The following AK4 variants were observed in gnomAD, a reference collection of about 807,000 sequenced individuals.
AK4 encodes adenylate kinase 4, mitochondrial.
Under a neutral mutation model 24.6 loss-of-function variants are expected in AK4, and 13 were observed. That is an observed-to-expected ratio of 0.53 (90% CI 0.34 to 0.84). The LOEUF (loss-of-function observed/expected upper bound fraction) is 0.84. Ranked by LOEUF, AK4 falls within the 40% of genes least tolerant of loss-of-function variation. AK4 has a pLI of 0.01. For synonymous variants in AK4, 88 were observed against 107.0 expected (o/e 0.82, Z 1.10); for missense variants, 192 against 288.2 (o/e 0.67, Z 2.42).
chr1:65,189,470 G>T (rs1347481668), intron 1 of AK4, among the ~76,000 whole-genome samples: 2 of 150,780 alleles, frequency 1.3e-5, no homozygotes, highest in Admixed American at 6.6e-5. Flanking sequence ...TAGAGACAGG[G>T]TTTCTCCATG....
chr1:65,160,868 T>G (rs1374453666), intron 1 of AK4, among the ~76,000 whole-genome samples: 3 of 152,172 alleles, frequency 2.0e-5, no homozygotes, highest in Non-Finnish European at 4.4e-5. Flanking sequence ...ATGCTGGAAT[T>G]ACAGGTGTGA....
intron 2 of AK4, among the ~76,000 whole-genome samples, chr1:65,215,032 T>C (rs1652080803): frequency 6.6e-6 from 1 of 152,210 alleles, no homozygotes; most frequent in African/African-American, 2.4e-5. Flanking sequence ...AGTTTGGTGG[T>C]TCGTCATGAA....
chr1:65,154,045 C>T (rs10749750), intron 1 of AK4, among the ~76,000 whole-genome samples: 1 of 151,982 alleles, frequency 6.6e-6, no homozygotes, highest in African/African-American at 2.4e-5. Context: ...GAAGGGTTTT[C>T]CATAGGACAA....
At chr1:65,205,253 A>C (rs761792189) in intron 2 of AK4, among the ~76,000 whole-genome samples, 2 of 152,070 alleles carry the variant, frequency 1.3e-5, no homozygotes, top group Admixed American at 6.6e-5. Context: ...TTATTTGTTA[A>C]ATAGAGACAG....
intron 1 of AK4, among the ~76,000 whole-genome samples, chr1:65,178,746 G>A (rs374711475): frequency 1.2e-4 from 18 of 152,242 alleles, no homozygotes; most frequent in Admixed American, 7.2e-4. Flanking sequence ...CTTCTGTTCC[G>A]TCTTTCCTCC....
intron 1 of AK4, among the ~76,000 whole-genome samples, chr1:65,162,294 A>G (rs1243594813): frequency 2.0e-5 from 3 of 152,124 alleles, no homozygotes; most frequent in African/African-American, 4.8e-5. Context: ...AGAGCCTAAT[A>G]TAGGAGTGAA....
chr1:65,184,029 G>A (rs983831463), intron 1 of AK4, among the ~76,000 whole-genome samples: 9 of 152,002 alleles, frequency 5.9e-5, no homozygotes, highest in African/African-American at 1.9e-4. Context: ...TTTTAAATGC[G>A]GTATTATCTT....
intron 2 of AK4, among the ~76,000 whole-genome samples, chr1:65,197,963 T>C (rs1238035394): frequency 6.6e-6 from 1 of 152,172 alleles, no homozygotes; most frequent in Admixed American, 6.5e-5. Flanking sequence ...GAGTCTAGGG[T>C]ATCTTTCAAG....
At chr1:65,208,334 G>T (rs557903859) in intron 2 of AK4, among the ~76,000 whole-genome samples, 15 of 152,150 alleles carry the variant, frequency 9.9e-5, no homozygotes, top group Non-Finnish European at 1.6e-4. Context: ...GAAAGTATAC[G>T]ATAGGAGAGA....
intron 1 of AK4, among the ~76,000 whole-genome samples, 165 bp downstream of exon 1, chr1:65,148,717 C>CCGCGCCAGGGGAGGAGGCCGAGGCT (rs1553120743): frequency 3.1e-4 from 47 of 151,654 alleles, no homozygotes; most frequent in African/African-American, 1.1e-3. Context: ...CGCGGCTTAA[C>CCGCGCCAGGGGAGGAGGCCGAGGCT]CGCGCCTGGG....
At chr1:65,168,145 C>CTTTTT (rs3051710) in intron 1 of AK4, among the ~76,000 whole-genome samples, 4 of 125,258 alleles carry the variant, frequency 3.2e-5, no homozygotes, top group African/African-American at 9.3e-5. Context: ...TCTGCATATT[C>CTTTTT]TTTTTTTTTT....
At position 65,177,828 on chromosome 1, in the gene AK4, A is replaced by T. The variant is rs571649081; in HGVS notation, c.146-12882A>T. Among the ~76,000 whole-genome samples, 23 of 152,304 alleles carry T rather than the reference A, an allele frequency of 1.5e-4. No homozygotes were observed. The South Asian group carries it at 4.6e-3, about 30-fold the overall frequency. Reference sequence around the variant, plus strand: ...GTTGTGAGAACCAAGGGCAACATGCACCAAATGTCCACTTATGTAGTCTAA... The same window carrying T: ...GTTGTGAGAACCAAGGGCAACATGCTCCAAATGTCCACTTATGTAGTCTAA... On this transcript the variant is annotated intron_variant, in intron 1 of 4. Transcript: ENST00000327299.
At chr1:65,217,953 G>A (rs1199159862) in intron 2 of AK4, among the ~76,000 whole-genome samples, 1 of 152,170 alleles carries the variant, frequency 6.6e-6, no homozygotes, top group Non-Finnish European at 1.5e-5. Flanking sequence ...TACATACAGT[G>A]TGAAATGATT....
At chr1:65,204,159 G>A (rs1051121553) in intron 2 of AK4, among the ~76,000 whole-genome samples, 12 of 151,716 alleles carry the variant, frequency 7.9e-5, no homozygotes, top group African/African-American at 2.9e-4. Context: ...GTGTAAGAAG[G>A]CATCAGACTT....
intron 2 of AK4, among the ~76,000 whole-genome samples, chr1:65,200,623 CT>C (rs1422689017): frequency 6.6e-6 from 1 of 152,188 alleles, no homozygotes; most frequent in African/African-American, 2.4e-5. Flanking sequence ...ATTGCAACTC[CT>C]TTGTTAATGC....
At chr1:65,154,317 C>T (rs1649899412) in intron 1 of AK4, among the ~76,000 whole-genome samples, 1 of 152,200 alleles carries the variant, frequency 6.6e-6, no homozygotes, top group East Asian at 1.9e-4. Context: ...GAGCGCCTGC[C>T]TGGGTGAATG....
At position 65,227,187 on chromosome 1, in the gene AK4, C is replaced by G. The variant is rs1373760235; in HGVS notation, c.*1010C>G. The G allele has an allele frequency of 1.5e-5, 2 of 130,168 alleles. No individual in the cohort carries two copies. Among genetic ancestry groups the G allele is most frequent in the Non-Finnish European group, 3.2e-5 (2 of 62,338 alleles). 8.1% of individuals were successfully genotyped at this position (130,168 alleles called of 1,614,324 possible). On this transcript the variant is annotated 3_prime_UTR_variant, in exon 5 of 5. Coordinates refer to ENST00000327299, the MANE Select transcript of AK4 (RefSeq NM_013410.4). ...TGGACTAATTGAATAGTTAAGGTTTCTATTCGGGACAATAAAATGTATTTT... is the reference window on the plus strand; with the variant it reads ...TGGACTAATTGAATAGTTAAGGTTTGTATTCGGGACAATAAAATGTATTTT...
Position 65,164,419 on chromosome 1 carries a change from C to T in AK4, c.145+15867C>T, listed in dbSNP as rs1234906709. 2.0e-5 allele frequency among the ~76,000 whole-genome samples: 3 copies of T among 152,038 alleles called. 1 individual carries two copies. The highest frequency in any genetic ancestry group is 4.4e-5 in the Non-Finnish European group (3 of 68,030). On this transcript the variant is annotated intron_variant, in intron 1 of 4. Transcript: ENST00000327299. ...TATTTAGTTTGCTTTAACCACCCCT[C>T]CCTCCCTACCTTTCTCTCTCTTTCA...
At chr1:65,208,634 C>T (rs544757545) in intron 2 of AK4, among the ~76,000 whole-genome samples, 1 of 152,302 alleles carries the variant, frequency 6.6e-6, no homozygotes, top group Admixed American at 6.5e-5. Context: ...GTCGCATAGC[C>T]TTTTCACAAG....
Sources: allele counts gnomAD v4.1 joint callset (sites outside exome capture counted in the v4.1 genomes callset), GRCh38; gene constraint gnomAD v4.1.1; transcripts MANE v1.5; gene names NCBI Gene and HGNC (gene_info 2026-07-23, HGNC 2026-07-21).